The following GALNT13 variants were observed in gnomAD, a reference collection of about 807,000 sequenced individuals.
GALNT13 encodes polypeptide N-acetylgalactosaminyltransferase 13.
GALNT13 carries 28 observed loss-of-function variants against 64.2 expected under a neutral mutation model. The observed-to-expected ratio is 0.44, with a 90% confidence interval of 0.32 to 0.60. GALNT13 has a LOEUF of 0.60. Among genes scored for constraint, GALNT13 ranks in the 20% least tolerant of loss-of-function variants. The pLI is 0.05. For missense variants in GALNT13, 577 were observed against 669.8 expected, an observed-to-expected ratio of 0.86 and a Z score of 1.53; for synonymous variants, 214 against 224.6, an observed-to-expected ratio of 0.95 and a Z score of 0.42.
the GALNT13 span, among the ~76,000 whole-genome samples, chr2:153,084,532 T>C: frequency 6.6e-6 from 1 of 152,162 alleles, no homozygotes; most frequent in Admixed American, 6.5e-5. Flanking sequence ...AATTTCCACA[T>C]GTCAAGGGCA....
chr2:153,891,366 T>G (rs1300534446), intron 1 of GALNT13, among the ~76,000 whole-genome samples: 1 of 152,028 alleles, frequency 6.6e-6, no homozygotes, highest in Admixed American at 6.6e-5. Context: ...TGTGACTTTT[T>G]TTTTCTTCTC....
chr2:154,334,696 C>T (rs1258636617), intron 9 of GALNT13, among the ~76,000 whole-genome samples: 1 of 151,890 alleles, frequency 6.6e-6, no homozygotes, highest in African/African-American at 2.4e-5. Context: ...TATATCTCTC[C>T]GTTCTCACTA....
chr2:153,216,820 A>G, the GALNT13 span, among the ~76,000 whole-genome samples: 1 of 151,734 alleles, frequency 6.6e-6, no homozygotes, highest in Non-Finnish European at 1.5e-5. Flanking sequence ...CAATTTATCA[A>G]TTTTTTTCTT....
the GALNT13 span, among the ~76,000 whole-genome samples, chr2:153,474,778 A>G: frequency 6.6e-6 from 1 of 152,180 alleles, no homozygotes; most frequent in Non-Finnish European, 1.5e-5. Flanking sequence ...CCCCTGGGCC[A>G]TGTCAGATCA....
At chr2:153,223,323 AT>A in the GALNT13 span, among the ~76,000 whole-genome samples, 2 of 152,200 alleles carry the variant, frequency 1.3e-5, no homozygotes, top group Non-Finnish European at 2.9e-5. Context: ...TATCAATCAA[AT>A]TGATCTAATT....
At chr2:153,364,327 C>T in the GALNT13 span, among the ~76,000 whole-genome samples, 24 of 151,838 alleles carry the variant, frequency 1.6e-4, no homozygotes, top group South Asian at 4.8e-3. Context: ...AAAACTGGCA[C>T]AAGACAAGAA....
chr2:153,364,715 A>C, the GALNT13 span, among the ~76,000 whole-genome samples: 1 of 152,166 alleles, frequency 6.6e-6, no homozygotes, highest in Admixed American at 6.5e-5. Flanking sequence ...ACTACAAACC[A>C]CTGCTCAAGA....
At chr2:154,430,376 G>C (rs1005060774) in intron 11 of GALNT13, among the ~76,000 whole-genome samples, 1 of 152,100 alleles carries the variant, frequency 6.6e-6, no homozygotes, top group Non-Finnish European at 1.5e-5. Flanking sequence ...AGACATCAGT[G>C]GAGGAAATAA....
the GALNT13 span, among the ~76,000 whole-genome samples, chr2:153,346,195 A>G: frequency 6.6e-6 from 1 of 152,122 alleles, no homozygotes; most frequent in Non-Finnish European, 1.5e-5. Flanking sequence ...AAGTGCTGAG[A>G]TTACAGCATG....
chr2:153,730,492 G>T, the GALNT13 span, among the ~76,000 whole-genome samples: 1 of 151,620 alleles, frequency 6.6e-6, no homozygotes, highest in Non-Finnish European at 1.5e-5. Context: ...AGGTCCTATA[G>T]GAAATCACAG....
the GALNT13 span, among the ~76,000 whole-genome samples, chr2:153,151,043 C>T: frequency 1.1e-4 from 16 of 151,886 alleles, no homozygotes; most frequent in Admixed American, 6.6e-5. Context: ...CATTGAATCT[C>T]TAAATTACCT....
the GALNT13 span, among the ~76,000 whole-genome samples, chr2:153,301,531 C>A: frequency 6.6e-6 from 1 of 151,840 alleles, no homozygotes; most frequent in Non-Finnish European, 1.5e-5. Flanking sequence ...TATTTATTAT[C>A]TTTTTGTGGT....
chr2:154,072,183 A>G (rs1244874595), intron 3 of GALNT13, among the ~76,000 whole-genome samples: 1 of 152,112 alleles, frequency 6.6e-6, no homozygotes, highest in East Asian at 1.9e-4. Flanking sequence ...AGAGAATAGC[A>G]TTATTTTGAT....
intron 4 of GALNT13, among the ~76,000 whole-genome samples, chr2:154,195,082 T>A (rs1225509511): frequency 6.6e-6 from 1 of 152,078 alleles, no homozygotes; most frequent in African/African-American, 2.4e-5. Context: ...TCTGTCCATG[T>A]GTTCTCAAGA....
At chr2:153,638,957 A>AG in the GALNT13 span, among the ~76,000 whole-genome samples, 1 of 152,220 alleles carries the variant, frequency 6.6e-6, no homozygotes, top group South Asian at 2.1e-4. Flanking sequence ...CCTTGAGCTC[A>AG]TAAAATGTCA....
chr2:153,243,356 G>C, the GALNT13 span, among the ~76,000 whole-genome samples: 1 of 152,212 alleles, frequency 6.6e-6, no homozygotes, highest in African/African-American at 2.4e-5. Context: ...TTAGATTCTA[G>C]ATATGGCCTG....
chr2:153,347,130 G>T, the GALNT13 span, among the ~76,000 whole-genome samples: 1 of 152,218 alleles, frequency 6.6e-6, no homozygotes, highest in African/African-American at 2.4e-5. Flanking sequence ...TCTAACAGGT[G>T]CCCAGAACCT....
At chr2:153,755,539 G>A in the GALNT13 span, among the ~76,000 whole-genome samples, 3 of 151,804 alleles carry the variant, frequency 2.0e-5, no homozygotes, top group African/African-American at 7.3e-5. Flanking sequence ...TTGACCTCTT[G>A]TATGTTTTCT....
the GALNT13 span, among the ~76,000 whole-genome samples, chr2:153,850,038 G>C: frequency 1.3e-5 from 2 of 148,438 alleles, no homozygotes; most frequent in East Asian, 3.9e-4. Flanking sequence ...AATTAGCCGG[G>C]CATGGTGGCG....
Sources: allele counts gnomAD v4.1 joint callset (sites outside exome capture counted in the v4.1 genomes callset), GRCh38; gene constraint gnomAD v4.1.1; transcripts MANE v1.5; gene names NCBI Gene and HGNC (gene_info 2026-07-23, HGNC 2026-07-21).